Variants in NT5DC1 observed in about 807,000 individuals in gnomAD.
NT5DC1 encodes the protein 5'-nucleotidase domain-containing protein 1.
NT5DC1 carries 42 observed loss-of-function variants against 59.4 expected under a neutral mutation model. The ratio of observed to expected loss-of-function variants is 0.71; its 90% confidence interval spans 0.55 to 0.92. NT5DC1 has a LOEUF of 0.92. Ranked by LOEUF, NT5DC1 falls within the 40% of genes least tolerant of loss-of-function variation. The pLI, the probability that NT5DC1 is intolerant of heterozygous loss-of-function variation, is 0.00. For missense variants in NT5DC1, 501 were observed against 537.1 expected, an observed-to-expected ratio of 0.93 and a Z score of 0.66; for synonymous variants, 172 against 188.1, an observed-to-expected ratio of 0.91 and a Z score of 0.70.
chr6:116,215,128 T>C (rs1486030661), intron 6 of NT5DC1, among the ~76,000 whole-genome samples: 3 of 152,288 alleles, frequency 2.0e-5, no homozygotes, highest in Non-Finnish European at 4.4e-5. Context: ...AACATTGTAC[T>C]GATATTAATG....
chr6:116,214,195 C>G (rs1781643482), intron 6 of NT5DC1, among the ~76,000 whole-genome samples: 1 of 151,954 alleles, frequency 6.6e-6, no homozygotes, highest in Non-Finnish European at 1.5e-5. Flanking sequence ...ACTTTACATG[C>G]AAGAGTATTG....
chr6:116,116,419 G>A (rs982371047), intron 5 of NT5DC1, among the ~76,000 whole-genome samples: 5 of 152,114 alleles, frequency 3.3e-5, no homozygotes, highest in African/African-American at 9.7e-5. Flanking sequence ...CAAAACAGGC[G>A]GATCACGAAG....
chr6:116,153,737 T>C (rs60494998), intron 6 of NT5DC1, among the ~76,000 whole-genome samples: 6,097 of 152,232 alleles, frequency 0.04, 190 homozygotes, highest in African/African-American at 0.084. Flanking sequence ...ACTTTCTTAC[T>C]GGTTTAGTCA....
chr6:116,153,177 T>G (rs1339498594), intron 6 of NT5DC1, among the ~76,000 whole-genome samples: 1 of 151,970 alleles, frequency 6.6e-6, no homozygotes, highest in Non-Finnish European at 1.5e-5. Context: ...ACATAATTTT[T>G]GAGTAGGGTT....
chr6:116,129,514 T>C (rs1349399418), intron 6 of NT5DC1, among the ~76,000 whole-genome samples: 1 of 152,194 alleles, frequency 6.6e-6, no homozygotes, highest in African/African-American at 2.4e-5. Flanking sequence ...GTGGGCTTTA[T>C]ATAGAAGCAA....
At chr6:116,167,393 T>G (rs1780494589) in intron 6 of NT5DC1, among the ~76,000 whole-genome samples, 1 of 151,920 alleles carries the variant, frequency 6.6e-6, no homozygotes, top group East Asian at 1.9e-4. Context: ...TTTGTATTTT[T>G]AGTAGATACA....
At chr6:116,195,216 T>TGATA (rs1781198883) in intron 6 of NT5DC1, among the ~76,000 whole-genome samples, 1 of 152,084 alleles carries the variant, frequency 6.6e-6, no homozygotes, top group Non-Finnish European at 1.5e-5. Flanking sequence ...TATAGGCATA[T>TGATA]GATAGTAAGA....
chr6:116,148,162 G>C (rs988547345), intron 6 of NT5DC1, among the ~76,000 whole-genome samples: 8 of 152,064 alleles, frequency 5.3e-5, no homozygotes, highest in African/African-American at 1.9e-4. Flanking sequence ...CTTGTATAAG[G>C]ATAGACAAAC....
chr6:116,112,131 T>C (rs1778890141), intron 4 of NT5DC1, among the ~76,000 whole-genome samples: 1 of 152,220 alleles, frequency 6.6e-6, no homozygotes, highest in African/African-American at 2.4e-5. Context: ...CCTCTTGGAA[T>C]CAGTAGCTTC....
At chr6:116,193,361 A>G (rs1026573677) in intron 6 of NT5DC1, among the ~76,000 whole-genome samples, 1 of 152,084 alleles carries the variant, frequency 6.6e-6, no homozygotes, top group African/African-American at 2.4e-5. Context: ...AGGCAGGAAG[A>G]GCCCGTGTGT....
At chr6:116,121,649 C>T (rs2114290699) in intron 6 of NT5DC1, 1 of 1,613,982 alleles carries the variant, frequency 6.2e-7, no homozygotes, top group Non-Finnish European at 8.5e-7. Context: ...TCCAGGTTTT[C>T]CTGGCACAGA....
intron 6 of NT5DC1, among the ~76,000 whole-genome samples, chr6:116,128,532 C>A (rs1305506880): frequency 6.6e-6 from 1 of 152,068 alleles, no homozygotes; most frequent in Non-Finnish European, 1.5e-5. Context: ...TCACATCTGG[C>A]AGTTAGCTAC....
intron 6 of NT5DC1, 32 bp downstream of exon 6, chr6:116,117,977 G>T (rs376084658): frequency 1.9e-6 from 2 of 1,055,742 alleles, no homozygotes; most frequent in African/African-American, 3.1e-5. Context: ...CTTCTAATAC[G>T]TGTTTGTTAA....
intron 6 of NT5DC1, among the ~76,000 whole-genome samples, chr6:116,148,030 T>C (rs1779943519): frequency 6.6e-6 from 1 of 151,626 alleles, no homozygotes; most frequent in African/African-American, 2.4e-5. Context: ...TGTTGTGGAC[T>C]ATGAAAAGAC....
intron 6 of NT5DC1, among the ~76,000 whole-genome samples, chr6:116,142,023 G>T (rs1779779604): frequency 6.6e-6 from 1 of 151,626 alleles, no homozygotes. Context: ...TCAAAAAAAA[G>T]ATTTGTTACT....
At chr6:116,145,656 A>G (rs1463979371) in intron 6 of NT5DC1, among the ~76,000 whole-genome samples, 1 of 152,182 alleles carries the variant, frequency 6.6e-6, no homozygotes, top group African/African-American at 2.4e-5. Flanking sequence ...AGTTTTCTTT[A>G]AAGTATCCCC....
chr6:116,179,592 A>T (rs1009163383), intron 6 of NT5DC1, among the ~76,000 whole-genome samples: 20 of 152,232 alleles, frequency 1.3e-4, no homozygotes, highest in African/African-American at 4.8e-4. Flanking sequence ...AGACCTTTTT[A>T]AAAATTAACC....
Position 116,121,463 on chromosome 6 carries a change from C to T in NT5DC1, c.529+3518C>T, listed in dbSNP as rs761203337. On this transcript the variant is annotated intron_variant, in intron 6 of 11. Coordinates refer to ENST00000319550, the MANE Select transcript of NT5DC1 (RefSeq NM_152729.3). The stretch of plus-strand genomic sequence containing the variant: ...CCCATTTTCACCTCTTTTTCCCACT[C>T]CAGGAGGGCCAGATGGTCCTGTGGG... 12 of 1,614,132 alleles carry T rather than the reference C, an allele frequency of 7.4e-6. No individual in the cohort carries two copies. In the Admixed American group the frequency reaches 1.7e-4, roughly 22 times the overall value.
chr6:116,241,917 C>G (rs1358719991), intron 11 of NT5DC1, among the ~76,000 whole-genome samples: 1 of 87,448 alleles, frequency 1.1e-5, no homozygotes, highest in African/African-American at 4.5e-5. Flanking sequence ...AGCAAGACTC[C>G]GTCTCAAAAA....
Sources: gnomAD v4.1 joint callset for allele counts (sites outside exome capture counted in the v4.1 genomes callset) on GRCh38, gnomAD v4.1.1 for gene constraint, MANE v1.5 for transcripts, NCBI Gene and HGNC (gene_info 2026-07-23, HGNC 2026-07-21) for gene names.